METTL9: variants seen among roughly 807,000 people sequenced by gnomAD.
METTL9 encodes protein-L-histidine N-pros-methyltransferase.
METTL9 carries 10 observed loss-of-function variants against 36.0 expected under a neutral mutation model. That is an observed-to-expected ratio of 0.28 (90% CI 0.17 to 0.47). The LOEUF (loss-of-function observed/expected upper bound fraction) is 0.47. Ranked by LOEUF, METTL9 falls within the 20% of genes least tolerant of loss-of-function variation. The pLI is 0.99. For synonymous variants in METTL9, 175 were observed against 149.7 expected (o/e 1.17, Z -1.23); for missense variants, 246 against 383.5 (o/e 0.64, Z 3.00).
intron 4 of METTL9, chr16:21,627,600 G>A (rs1965844247): frequency 6.4e-6 from 1 of 156,838 alleles, no homozygotes; most frequent in African/African-American, 2.4e-5. Flanking sequence ...TTATTAAAAA[G>A]TAATTCAGTA....
intron 4 of METTL9, among the ~76,000 whole-genome samples, chr16:21,639,256 T>G (rs1393604249): frequency 1.3e-5 from 2 of 151,970 alleles, no homozygotes; most frequent in African/African-American, 4.9e-5. Context: ...AATCAATCTT[T>G]GAAACACGGT....
intron 4 of METTL9, among the ~76,000 whole-genome samples, chr16:21,648,591 G>A (rs1234817857): frequency 6.6e-6 from 1 of 152,202 alleles, no homozygotes; most frequent in Admixed American, 6.5e-5. Context: ...AAGTTATGAG[G>A]ATTGAGTCCC....
At position 21,599,843 on chromosome 16, in the gene METTL9, C is replaced by T. The variant is rs1342252514; in HGVS notation, c.110C>T (p.Thr37Ile). 4 of 1,524,782 alleles carry T rather than the reference C, an allele frequency of 2.6e-6. No individual in the cohort carries two copies. The highest frequency in any genetic ancestry group is 1.9e-4 in the Middle Eastern group (1 of 5,186). 94.5% of individuals were successfully genotyped at this position (1,524,782 alleles called of 1,614,324 possible). Residue 37 changes from threonine (T) to isoleucine (I), a missense_variant, in exon 1 of 5, where the codon ACT becomes ATT. Thr to Ile is a moderately conservative substitution (Grantham distance 89). Coordinates refer to ENST00000358154, the MANE Select transcript of METTL9 (RefSeq NM_016025.5). The surrounding 1 kb of genome is among the most constrained non-coding windows in gnomAD (Gnocchi z 4.4). Reference protein sequence around the residue: ...PLTRSLYVNMTSGPGGPAAAA... With the variant: ...PLTRSLYVNMISGPGGPAAAA... ...ACCCGCTCCCTGTACGTGAACATGA[C>T]TAGCGGCCCGGGTGGGCCGGCGGCG...
chr16:21,600,304 C>T (rs1202619008), intron 1 of METTL9, among the ~76,000 whole-genome samples: 1 of 152,210 alleles, frequency 6.6e-6, no homozygotes, highest in Non-Finnish European at 1.5e-5. Flanking sequence ...AGATCCATTA[C>T]CCCGAGAAAC....
chr16:21,646,898 C>T, intron 4 of METTL9: 4 of 512,468 alleles, frequency 7.8e-6, no homozygotes, highest in East Asian at 3.8e-5. Context: ...TCAAGTGATT[C>T]GTCCACCTCA....
chr16:21,651,820 CT>C (rs1966584500), intron 4 of METTL9: 1 of 152,070 alleles, frequency 6.6e-6, no homozygotes, highest in East Asian at 1.9e-4. Context: ...TAAAATAATG[CT>C]AATTAAAATA....
chr16:21,616,135 C>T (rs1965550825), intron 2 of METTL9, among the ~76,000 whole-genome samples: 1 of 152,222 alleles, frequency 6.6e-6, no homozygotes, highest in African/African-American at 2.4e-5. Context: ...TTTCCAGTCA[C>T]TGTATAGCAG....
intron 4 of METTL9, among the ~76,000 whole-genome samples, chr16:21,650,664 T>C (rs751725981): frequency 6.6e-6 from 1 of 152,182 alleles, no homozygotes; most frequent in Admixed American, 6.5e-5. Flanking sequence ...AATTAGGCTA[T>C]GTGTGGGAGA....
At chr16:21,653,211 C>T (rs963658649) in intron 4 of METTL9, 12 of 152,162 alleles carry the variant, frequency 7.9e-5, no homozygotes, top group African/African-American at 2.4e-4. Context: ...CCTCAGCTTC[C>T]TGAGTAGCTG....
intron 4 of METTL9, chr16:21,653,881 G>C (rs2141629046): frequency 6.6e-6 from 1 of 152,244 alleles, no homozygotes; most frequent in African/African-American, 2.4e-5. Flanking sequence ...GTCTCTCCCA[G>C]ACTCTGGGCA....
chr16:21,616,686 G>A (rs185305844), intron 2 of METTL9, among the ~76,000 whole-genome samples: 45 of 152,192 alleles, frequency 3.0e-4, no homozygotes, highest in African/African-American at 8.7e-4. Flanking sequence ...ACATAAGTAC[G>A]AATCTACTTT....
chr16:21,630,082 G>GTACATT (rs1965914234), intron 4 of METTL9, among the ~76,000 whole-genome samples: 1 of 152,206 alleles, frequency 6.6e-6, no homozygotes, highest in Non-Finnish European at 1.5e-5. Context: ...GTGCTGATTG[G>GTACATT]TACATTTACA....
At chr16:21,643,226 C>A in intron 4 of METTL9, 1 of 1,177,492 alleles carries the variant, frequency 8.5e-7, no homozygotes, top group Non-Finnish European at 1.3e-6. Flanking sequence ...ATCATCAGAA[C>A]TTTTCTTGCT....
At chr16:21,652,870 G>C in intron 4 of METTL9, 3 of 372,360 alleles carry the variant, frequency 8.1e-6, no homozygotes, top group Non-Finnish European at 1.4e-5. Context: ...TTTACACCTA[G>C]CACATATTTC....
intron 4 of METTL9, among the ~76,000 whole-genome samples, chr16:21,632,447 T>C (rs1311904882): frequency 6.6e-6 from 1 of 152,102 alleles, no homozygotes; most frequent in Non-Finnish European, 1.5e-5. Context: ...CATCGGTATA[T>C]AGGTTAAGGT....
chr16:21,600,045 T>C, intron 1 of METTL9, 147 bp downstream of exon 1: 1 of 693,218 alleles, frequency 1.4e-6, no homozygotes, highest in Non-Finnish European at 1.9e-6. Flanking sequence ...TCCCCGCGCC[T>C]TCCCCGCCGG....
At chr16:21,631,639 A>G (rs1457114687) in intron 4 of METTL9, among the ~76,000 whole-genome samples, 4 of 152,164 alleles carry the variant, frequency 2.6e-5, no homozygotes, top group African/African-American at 7.2e-5. Context: ...AGTTCCTCCT[A>G]TGTCTGATTG....
intron 4 of METTL9, chr16:21,652,439 A>G (rs1418111919): frequency 1.0e-6 from 1 of 969,054 alleles, no homozygotes; most frequent in East Asian, 2.5e-5. Flanking sequence ...ACATTTAAAA[A>G]TTAATCTGAA....
chr16:21,602,563 A>G (rs1436126717), intron 1 of METTL9, among the ~76,000 whole-genome samples: 1 of 152,210 alleles, frequency 6.6e-6, no homozygotes, highest in Non-Finnish European at 1.5e-5. Context: ...GAATAGTTTT[A>G]TATTTTTAAA....
Sources: gnomAD v4.1 joint callset for allele counts (sites outside exome capture counted in the v4.1 genomes callset) on GRCh38, gnomAD v4.1.1 for gene constraint, Gnocchi (gnomAD v3.1) non-coding constraint, MANE v1.5 for transcripts, NCBI Gene and HGNC (gene_info 2026-07-23, HGNC 2026-07-21) for gene names.